The following PRKAG2 variants were observed in gnomAD, a reference collection of about 807,000 sequenced individuals.
PRKAG2 encodes 5'-AMP-activated protein kinase subunit gamma-2.
A neutral mutation model predicts 69.6 loss-of-function variants in PRKAG2; 26 were observed. That is an observed-to-expected ratio of 0.37 (90% CI 0.27 to 0.52). The LOEUF (loss-of-function observed/expected upper bound fraction) is 0.52. Ranked by LOEUF, PRKAG2 falls within the 20% of genes least tolerant of loss-of-function variation. PRKAG2 has a pLI of 0.90. For missense variants in PRKAG2, 557 were observed against 740.0 expected, an observed-to-expected ratio of 0.75 and a Z score of 2.87; for synonymous variants, 293 against 285.0, an observed-to-expected ratio of 1.03 and a Z score of -0.28.
chr7:151,754,392 G>T (rs2074924208), intron 3 of PRKAG2, among the ~76,000 whole-genome samples: 1 of 152,218 alleles, frequency 6.6e-6, no homozygotes, highest in Non-Finnish European at 1.5e-5. Context: ...GGCAAGATGA[G>T]TCACGTTTTT....
chr7:151,748,403 A>G (rs1295995967), intron 3 of PRKAG2, among the ~76,000 whole-genome samples: 3 of 152,202 alleles, frequency 2.0e-5, no homozygotes, highest in Non-Finnish European at 4.4e-5. Flanking sequence ...GATTTTTTTA[A>G]AAGAGAGCAG....
At chr7:151,724,994 C>T (rs1797702012) in intron 3 of PRKAG2, among the ~76,000 whole-genome samples, 1 of 152,090 alleles carries the variant, frequency 6.6e-6, no homozygotes, top group African/African-American at 2.4e-5. Context: ...CAACCCTGGC[C>T]TGTGGATGCA....
At chr7:151,665,698 A>G (rs1830952398) in intron 4 of PRKAG2, among the ~76,000 whole-genome samples, 1 of 152,202 alleles carries the variant, frequency 6.6e-6, no homozygotes, top group African/African-American at 2.4e-5. Flanking sequence ...GTCACAGACT[A>G]TAGAGCTGCT....
At chr7:151,668,525 C>A (rs527530373) in intron 4 of PRKAG2, among the ~76,000 whole-genome samples, 1 of 152,174 alleles carries the variant, frequency 6.6e-6, no homozygotes, top group Non-Finnish European at 1.5e-5. Flanking sequence ...AAGCTGCTAC[C>A]GATGGCTCAC....
At chr7:151,840,967 G>A (rs2079262606) in intron 1 of PRKAG2, among the ~76,000 whole-genome samples, 1 of 152,196 alleles carries the variant, frequency 6.6e-6, no homozygotes, top group Non-Finnish European at 1.5e-5. Context: ...GACCCCATCT[G>A]ATTGACTGAT....
intron 6 of PRKAG2, among the ~76,000 whole-genome samples, chr7:151,584,423 C>T (rs760086539): frequency 9.2e-5 from 14 of 151,852 alleles, no homozygotes; most frequent in Admixed American, 2.0e-4. Flanking sequence ...GGGCCTTGAA[C>T]GCTGAAGTCA....
rs571621467 is a variant in PRKAG2 at position 151,867,431 on chromosome 7, C to T, written c.114+9076G>A. 8.7e-4 allele frequency among the ~76,000 whole-genome samples: 132 copies of T among 152,284 alleles called. 6 individuals are homozygous for T. In the South Asian group the frequency reaches 0.027, roughly 31 times the overall value. On this transcript the variant is annotated intron_variant, in intron 1 of 15. Transcript: ENST00000287878. Reference sequence around the variant, plus strand: ...TTCCACCCTTCAGCGGCCCATATTCCGAGGCTCGTGGCAGCAGCTCTGCAA... The same window carrying T: ...TTCCACCCTTCAGCGGCCCATATTCTGAGGCTCGTGGCAGCAGCTCTGCAA...
intron 1 of PRKAG2, among the ~76,000 whole-genome samples, chr7:151,812,416 T>C (rs1176760762): frequency 1.3e-5 from 2 of 151,164 alleles, no homozygotes; most frequent in African/African-American, 2.4e-5. Flanking sequence ...TGTGAAGGAG[T>C]TGGATAAATC....
intron 5 of PRKAG2, among the ~76,000 whole-genome samples, chr7:151,599,081 A>C (rs910339938): frequency 6.6e-6 from 1 of 152,086 alleles, no homozygotes; most frequent in Non-Finnish European, 1.5e-5. Flanking sequence ...TGAACTCCTG[A>C]CCTCAGGTGA....
chr7:151,690,119 A>G (rs1402538322), intron 3 of PRKAG2, among the ~76,000 whole-genome samples: 1 of 152,182 alleles, frequency 6.6e-6, no homozygotes, highest in Non-Finnish European at 1.5e-5. Flanking sequence ...GATGGCAACA[A>G]CAATTCTGGG....
At position 151,777,409 on chromosome 7, in the gene PRKAG2, C is replaced by T. The variant is rs1008503060; in HGVS notation, c.466+3743G>A. Among the ~76,000 whole-genome samples the T allele has an allele frequency of 9.9e-5, 15 of 152,262 alleles. No homozygotes were observed. The highest frequency in any genetic ancestry group is 1.9e-4 in the East Asian group (1 of 5,178). On this transcript the variant is annotated intron_variant, in intron 3 of 15. Transcript: ENST00000287878. The surrounding 1 kb of genome is among the most constrained non-coding windows in gnomAD (Gnocchi z 4.3). ...ATCCCCGGTGTTGGAGGTGGGGCCC[C>T]GTGGGAGGTGTTTGGGTCCTGGGGG... is the stretch of plus-strand genomic sequence containing the variant.
chr7:151,875,562 G>GGTGTGTGT (rs55660204), intron 1 of PRKAG2, among the ~76,000 whole-genome samples: 6,170 of 130,904 alleles, frequency 0.047, 163 homozygotes, highest in East Asian at 0.068. Flanking sequence ...GGAGCACTCT[G>GGTGTGTGT]GTGTGTGTGT....
chr7:151,638,249 G>A lies in PRKAG2; in HGVS notation c.685-6111C>T, dbSNP rs1585413555. ...AGGTTACTGGACTCTAGTGTGGTGG[G>A]AGGGAACAGAGGGACCCAAGTTGGA... On this transcript the variant is annotated intron_variant, in intron 4 of 15. Coordinates refer to ENST00000287878, the MANE Select transcript of PRKAG2 (RefSeq NM_016203.4). This position sits in a 1 kb window ranked among gnomAD's most constrained non-coding sequence, Gnocchi z 4.3. Among the ~76,000 whole-genome samples, 1 of 152,170 alleles carries A rather than the reference G, an allele frequency of 6.6e-6. No individual in the cohort carries two copies. Among genetic ancestry groups the A allele is most frequent in the Admixed American group, 6.5e-5 (1 of 15,270 alleles).
In PRKAG2 at chr7:151,831,586, G is replaced by A. The variant is rs185017397; in HGVS notation, c.114+44921C>T. On this transcript the variant is annotated intron_variant, in intron 1 of 15. Transcript: ENST00000287878. ...TGAGTTAATGGCTATGGTCAGCGGA[G>A]TTCTGGGCCAATCCTTACAGCAGGT... 3.6e-3 allele frequency among the ~76,000 whole-genome samples: 545 copies of A among 152,324 alleles called. 2 individuals are homozygous for A. The highest frequency in any genetic ancestry group is 4.0e-3 in the Non-Finnish European group (275 of 68,024).
intron 3 of PRKAG2, among the ~76,000 whole-genome samples, chr7:151,770,504 C>T (rs2075969974): frequency 6.6e-6 from 1 of 152,252 alleles, no homozygotes. Flanking sequence ...CTGTTTCCAG[C>T]ATCTGGCTAG....
chr7:151,592,149 CG>C lies in PRKAG2; in HGVS notation c.864+3195del, dbSNP rs1813347025. On this transcript the variant is annotated intron_variant, in intron 6 of 15. Coordinates refer to ENST00000287878, the MANE Select transcript of PRKAG2 (RefSeq NM_016203.4). ...CCCTACCTCGATCCACACCCAGACT[CG>C]GGGGAGCTCCTTATGAGCCACTGAC... is the stretch of plus-strand genomic sequence containing the variant. Among the ~76,000 whole-genome samples, 14 of 152,308 alleles carry C rather than the reference CG, an allele frequency of 9.2e-5. No homozygotes were observed. In the South Asian group the frequency reaches 2.7e-3, roughly 29 times the overall value.
Position 151,699,329 on chromosome 7 carries a change from C to T in PRKAG2, c.467-23692G>A, listed in dbSNP as rs562312337. Among the ~76,000 whole-genome samples, 64 of 152,316 alleles carry T rather than the reference C, an allele frequency of 4.2e-4. No individual in the cohort carries two copies. Among genetic ancestry groups the T allele is most frequent in the Non-Finnish European group, 8.4e-4 (57 of 68,020 alleles). ...TGCAGGCCTAGTCCCAGCAGATCTC[C>T]GGGAGATGCTGACTGCTGGCCGGAT... is the stretch of plus-strand genomic sequence containing the variant. On this transcript the variant is annotated intron_variant, in intron 3 of 15. Coordinates refer to ENST00000287878, the MANE Select transcript of PRKAG2 (RefSeq NM_016203.4). This position sits in a 1 kb window ranked among gnomAD's most constrained non-coding sequence, Gnocchi z 4.5.
chr7:151,832,237 GAGGAGGGA>G (rs1186236187), intron 1 of PRKAG2, among the ~76,000 whole-genome samples: 2 of 22,742 alleles, frequency 8.8e-5, no homozygotes, highest in Admixed American at 9.8e-4. Flanking sequence ...GGAAGGAGAG[GAGGAGGGA>G]AGGAAGGGAG....
chr7:151,615,356 A>T (rs1213124916), intron 5 of PRKAG2, among the ~76,000 whole-genome samples: 1 of 152,196 alleles, frequency 6.6e-6, no homozygotes, highest in East Asian at 1.9e-4. Context: ...ATGTGCCTTT[A>T]TGGTAGAACA....
Sources: gnomAD v4.1 joint callset for allele counts (sites outside exome capture counted in the v4.1 genomes callset) on GRCh38, gnomAD v4.1.1 for gene constraint, Gnocchi (gnomAD v3.1) non-coding constraint, MANE v1.5 for transcripts, NCBI Gene and HGNC (gene_info 2026-07-23, HGNC 2026-07-21) for gene names.